Variants in ST6GALNAC3 observed in about 807,000 individuals in gnomAD.
ST6GALNAC3 encodes ST6 N-acetylgalactosaminide alpha-2,6-sialyltransferase 3.
In ST6GALNAC3, 25 loss-of-function variants were observed where a neutral mutation model predicts 32.7. The ratio of observed to expected loss-of-function variants is 0.76; its 90% confidence interval spans 0.56 to 1.07. The LOEUF (loss-of-function observed/expected upper bound fraction) is 1.07. ST6GALNAC3 is among the 50% of genes least tolerant of loss of function. The pLI, the probability that ST6GALNAC3 is intolerant of heterozygous loss-of-function variation, is 0.00. For missense variants in ST6GALNAC3, 355 were observed against 382.4 expected, an observed-to-expected ratio of 0.93 and a Z score of 0.60; for synonymous variants, 129 against 133.1, an observed-to-expected ratio of 0.97 and a Z score of 0.21.
chr1:76,628,932 C>A lies in ST6GALNAC3; in HGVS notation c.*126C>A. ...CAACAATGATTATCAAGTTCCTGTA[C>A]ACTCTCAGATGTGGATGGTGACTCT... On this transcript the variant is annotated 3_prime_UTR_variant, in exon 5 of 5. Coordinates refer to ENST00000328299, the MANE Select transcript of ST6GALNAC3 (RefSeq NM_152996.4). The A allele has an allele frequency of 6.6e-7, 1 of 1,504,894 alleles. No individual in the cohort carries two copies. 93.2% of individuals were successfully genotyped at this position (1,504,894 alleles called of 1,614,324 possible).
intron 1 of ST6GALNAC3, among the ~76,000 whole-genome samples, chr1:76,260,920 T>G (rs2100727763): frequency 6.6e-6 from 1 of 152,060 alleles, no homozygotes; most frequent in East Asian, 1.9e-4. Flanking sequence ...GAAAAAAGTC[T>G]AATTGACAAG....
intron 3 of ST6GALNAC3, among the ~76,000 whole-genome samples, chr1:76,575,104 G>A (rs1398385508): frequency 2.0e-5 from 3 of 152,140 alleles, no homozygotes; most frequent in Non-Finnish European, 4.4e-5. Context: ...TTGTCTTGGA[G>A]AAGCCAGTGA....
chr1:76,341,930 A>G (rs1026130748), intron 2 of ST6GALNAC3, among the ~76,000 whole-genome samples: 2 of 150,984 alleles, frequency 1.3e-5, no homozygotes, highest in African/African-American at 4.9e-5. Flanking sequence ...TCATTGTTCA[A>G]CTCCCATTTA....
At chr1:76,438,300 C>G (rs1656306516) in intron 3 of ST6GALNAC3, among the ~76,000 whole-genome samples, 1 of 151,762 alleles carries the variant, frequency 6.6e-6, no homozygotes, top group Non-Finnish European at 1.5e-5. Context: ...TACAGGCGCC[C>G]GCCACCGTGC....
intron 1 of ST6GALNAC3, among the ~76,000 whole-genome samples, chr1:76,205,784 C>T (rs1400107134): frequency 6.6e-6 from 1 of 152,124 alleles, no homozygotes; most frequent in Non-Finnish European, 1.5e-5. Context: ...GAATGAATAC[C>T]TGGCAGTAAG....
chr1:76,177,287 T>A (rs1570321862), intron 1 of ST6GALNAC3, among the ~76,000 whole-genome samples: 1 of 152,174 alleles, frequency 6.6e-6, no homozygotes, highest in Non-Finnish European at 1.5e-5. Context: ...CAGGTCTCAT[T>A]TTCTAGGACT....
chr1:76,422,681 C>T (rs142702880), intron 3 of ST6GALNAC3, among the ~76,000 whole-genome samples: 16 of 152,030 alleles, frequency 1.1e-4, no homozygotes, highest in African/African-American at 3.9e-4. Flanking sequence ...TAACAGAATT[C>T]CAGGCAATGT....
intron 1 of ST6GALNAC3, among the ~76,000 whole-genome samples, chr1:76,195,416 A>T (rs1226719353): frequency 6.6e-6 from 1 of 152,246 alleles, no homozygotes; most frequent in African/African-American, 2.4e-5. Flanking sequence ...TTCATCACAC[A>T]GAATATTAAA....
At chr1:76,357,909 G>T (rs1302264800) in intron 2 of ST6GALNAC3, among the ~76,000 whole-genome samples, 1 of 152,114 alleles carries the variant, frequency 6.6e-6, no homozygotes, top group African/African-American at 2.4e-5. Flanking sequence ...TCAAAGACAG[G>T]GAATGTTTAG....
chr1:76,289,881 A>G (rs1659981155), intron 1 of ST6GALNAC3, among the ~76,000 whole-genome samples: 2 of 152,174 alleles, frequency 1.3e-5, no homozygotes. Flanking sequence ...GCTAGTCATG[A>G]AGGGAACAGA....
chr1:76,519,545 C>T (rs1230248183), intron 3 of ST6GALNAC3, among the ~76,000 whole-genome samples: 1 of 152,046 alleles, frequency 6.6e-6, no homozygotes, highest in Admixed American at 6.6e-5. Context: ...TTAATTTAAA[C>T]TTAAATGTAA....
At chr1:76,459,672 C>T (rs1461999897) in intron 3 of ST6GALNAC3, among the ~76,000 whole-genome samples, 1 of 151,846 alleles carries the variant, frequency 6.6e-6, no homozygotes, top group Non-Finnish European at 1.5e-5. Flanking sequence ...GTGAAAATTG[C>T]CAGGGGAGTG....
chr1:76,502,402 G>T (rs1019151721), intron 3 of ST6GALNAC3, among the ~76,000 whole-genome samples: 2 of 152,192 alleles, frequency 1.3e-5, no homozygotes, highest in Non-Finnish European at 1.5e-5. Context: ...AACATCAGAA[G>T]TTTATTGTCT....
At chr1:76,348,460 C>A (rs1432850335) in intron 2 of ST6GALNAC3, among the ~76,000 whole-genome samples, 1 of 152,156 alleles carries the variant, frequency 6.6e-6, no homozygotes, top group African/African-American at 2.4e-5. Flanking sequence ...TTTATTCACT[C>A]TAATTTAAGG....
At position 76,366,481 on chromosome 1, in the gene ST6GALNAC3, T is replaced by G. The variant is rs79848576; in HGVS notation, c.214-45527T>G. On this transcript the variant is annotated intron_variant, in intron 2 of 4. Transcript: ENST00000328299. ...TGAATAACAAGAATAAGAATAAATA[T>G]AAGGCTACTGACTGAAATGTGATCT... 2.2e-4 allele frequency among the ~76,000 whole-genome samples: 34 copies of G among 152,302 alleles called. No individual in the cohort carries two copies. In the East Asian group the frequency reaches 6.6e-3, roughly 29 times the overall value.
intron 1 of ST6GALNAC3, among the ~76,000 whole-genome samples, chr1:76,139,589 A>G (rs1312602023): frequency 6.6e-6 from 1 of 152,236 alleles, no homozygotes; most frequent in Non-Finnish European, 1.5e-5. Context: ...TCTGGGTGAC[A>G]TAGATTCTCA....
chr1:76,262,341 A>C (rs1255361470), intron 1 of ST6GALNAC3, among the ~76,000 whole-genome samples: 4 of 152,118 alleles, frequency 2.6e-5, no homozygotes, highest in Non-Finnish European at 5.9e-5. Context: ...TGCTAATTCC[A>C]TGGCAGGCTG....
At chr1:76,401,227 T>C (rs555037699) in intron 2 of ST6GALNAC3, among the ~76,000 whole-genome samples, 17 of 152,264 alleles carry the variant, frequency 1.1e-4, no homozygotes, top group African/African-American at 3.8e-4. Flanking sequence ...AAATCTCATG[T>C]TTCATTCTGA....
In ST6GALNAC3 at chr1:76,084,652, C is replaced by A. The variant is rs918166522; in HGVS notation, c.18+9768C>A. Among the ~76,000 whole-genome samples, 4 of 152,288 alleles carry A rather than the reference C, an allele frequency of 2.6e-5. No individual in the cohort carries two copies. The South Asian group carries it at 8.3e-4, about 32-fold the overall frequency. ...ATTTTTTACTGCTTATTTCTGTGTG[C>A]ATAAATTCAGCGACATGCTAATAGA... On this transcript the variant is annotated intron_variant, in intron 1 of 4. Transcript: ENST00000328299.
Sources: allele counts gnomAD v4.1 joint callset (sites outside exome capture counted in the v4.1 genomes callset), GRCh38; gene constraint gnomAD v4.1.1; transcripts MANE v1.5; gene names NCBI Gene and HGNC (gene_info 2026-07-23, HGNC 2026-07-21).